The following PRKD1 variants were observed in gnomAD, a reference collection of about 807,000 sequenced individuals.
PRKD1 encodes the protein serine/threonine-protein kinase D1.
A neutral mutation model predicts 95.9 loss-of-function variants in PRKD1; 63 were observed. The ratio of observed to expected loss-of-function variants is 0.66; its 90% CI spans 0.54 to 0.81. The LOEUF is 0.81. Ranked by LOEUF, PRKD1 falls within the 30% of genes least tolerant of loss-of-function variation. PRKD1 has a pLI of 0.00. For synonymous variants in PRKD1, 425 were observed against 423.1 expected, an observed-to-expected ratio of 1.00 and a Z score of -0.05; for missense variants, 1,048 against 1,165.3, an observed-to-expected ratio of 0.90 and a Z score of 1.47.
At chr14:29,675,976 T>C (rs1465488366) in intron 2 of PRKD1, among the ~76,000 whole-genome samples, 1 of 97,538 alleles carries the variant, frequency 1.0e-5, no homozygotes, top group Non-Finnish European at 1.9e-5. Flanking sequence ...TCGGGGCCTG[T>C]CGTGGGGTGG....
chr14:29,735,535 G>A (rs140467588), intron 1 of PRKD1, among the ~76,000 whole-genome samples: 1 of 152,248 alleles, frequency 6.6e-6, no homozygotes, highest in African/African-American at 2.4e-5. Flanking sequence ...AGAGAAAGAT[G>A]AAACAGCAAA....
intron 1 of PRKD1, among the ~76,000 whole-genome samples, chr14:29,892,598 TA>T (rs1488110136): frequency 1.3e-5 from 2 of 152,196 alleles, no homozygotes; most frequent in African/African-American, 4.8e-5. Flanking sequence ...TCTCACATAC[TA>T]ACTTGTGGAG....
At chr14:29,615,739 G>C (rs1327148429) in intron 13 of PRKD1, among the ~76,000 whole-genome samples, 1 of 152,166 alleles carries the variant, frequency 6.6e-6, no homozygotes, top group Non-Finnish European at 1.5e-5. Flanking sequence ...CAAAGGCTCA[G>C]CAAATCACTT....
chr14:29,892,838 G>T (rs1893987233), intron 1 of PRKD1, among the ~76,000 whole-genome samples: 1 of 152,140 alleles, frequency 6.6e-6, no homozygotes, highest in Non-Finnish European at 1.5e-5. Flanking sequence ...TTCATGCACT[G>T]CTTACAAATA....
intron 1 of PRKD1, among the ~76,000 whole-genome samples, chr14:29,803,991 C>G (rs757532067): frequency 7.9e-5 from 12 of 152,096 alleles, no homozygotes; most frequent in Non-Finnish European, 1.8e-4. Context: ...CCTGTAATCC[C>G]AGCACTTTGG....
intron 1 of PRKD1, among the ~76,000 whole-genome samples, chr14:29,745,688 G>C (rs1887181901): frequency 6.6e-6 from 1 of 151,858 alleles, no homozygotes; most frequent in East Asian, 1.9e-4. Flanking sequence ...TGTTGCCCAG[G>C]CTGGTCTCAA....
At chr14:29,577,491 T>C in intron 17 of PRKD1, 35 bp from the exon 18 acceptor site, 1 of 1,564,456 alleles carries the variant, frequency 6.4e-7, no homozygotes, top group Non-Finnish European at 8.8e-7. Flanking sequence ...ACCATAGAGA[T>C]CATTACAACT....
intron 2 of PRKD1, among the ~76,000 whole-genome samples, chr14:29,705,015 C>G (rs761682304): frequency 6.6e-6 from 1 of 152,026 alleles, no homozygotes; most frequent in Non-Finnish European, 1.5e-5. Flanking sequence ...GATTGCTCTG[C>G]CCTGACAAGA....
At chr14:29,652,630 G>A (rs1052826208) in intron 4 of PRKD1, among the ~76,000 whole-genome samples, 1 of 152,146 alleles carries the variant, frequency 6.6e-6, no homozygotes, top group Non-Finnish European at 1.5e-5. Flanking sequence ...CACTGCCCAG[G>A]TTTGAATTTG....
In PRKD1 at chr14:29,676,354, AG is replaced by A. The variant is rs532070626; in HGVS notation, c.404-10147del. Among the ~76,000 whole-genome samples, 274 of 151,992 alleles carry A rather than the reference AG, an allele frequency of 1.8e-3. 1 individual carries two copies. Among genetic ancestry groups the A allele is most frequent in the African/African-American group, 6.4e-3 (265 of 41,454 alleles). Reference sequence around the variant, plus strand: ...AAGTGGAGATCAAGTCAAGAGTAGTAGGCTCCGAAGAGGTGGAGGTCAAAGG... The same window carrying A: ...AAGTGGAGATCAAGTCAAGAGTAGTAGCTCCGAAGAGGTGGAGGTCAAAGG... On this transcript the variant is annotated intron_variant, in intron 2 of 17. Transcript: ENST00000331968.
chr14:29,783,518 G>A (rs1889139634), intron 1 of PRKD1, among the ~76,000 whole-genome samples: 1 of 152,054 alleles, frequency 6.6e-6, no homozygotes, highest in Non-Finnish European at 1.5e-5. Context: ...CCCAGTAGTG[G>A]GATTGCTGGA....
chr14:29,726,421 A>C (rs958035578), intron 1 of PRKD1, among the ~76,000 whole-genome samples: 1 of 152,190 alleles, frequency 6.6e-6, no homozygotes, highest in African/African-American at 2.4e-5. Context: ...ATTATTAAAG[A>C]ATGCTATTTC....
intron 1 of PRKD1, among the ~76,000 whole-genome samples, chr14:29,912,672 A>G (rs1894758656): frequency 6.6e-6 from 1 of 152,238 alleles, no homozygotes; most frequent in African/African-American, 2.4e-5. Context: ...TATTTTTTAA[A>G]TAAAAAACAA....
chr14:29,831,449 G>GT lies in PRKD1; in HGVS notation c.264+95799dup, dbSNP rs71108500. Among the ~76,000 whole-genome samples the GT allele has an allele frequency of 5.2e-3, 666 of 128,512 alleles. 5 individuals are homozygous for GT. Among genetic ancestry groups the GT allele is most frequent in the East Asian group, 0.023 (101 of 4,402 alleles). The allele number at this position is 128,512 out of a possible 152,430, so 84.3% of individuals were successfully genotyped here. On this transcript the variant is annotated intron_variant, in intron 1 of 17. Transcript: ENST00000331968. ...AGTCCAGTAGTTATTAGAATGTTTG[G>GT]TTTTTTTTTTTTTTTTTTGGTTGGT...
intron 4 of PRKD1, among the ~76,000 whole-genome samples, chr14:29,658,357 G>A (rs939055775): frequency 1.3e-5 from 2 of 152,196 alleles, no homozygotes; most frequent in African/African-American, 4.8e-5. Flanking sequence ...CCATGTTAGA[G>A]TGGATTTAAG....
intron 1 of PRKD1, among the ~76,000 whole-genome samples, chr14:29,912,062 G>A (rs1056235642): frequency 6.6e-6 from 1 of 152,030 alleles, no homozygotes; most frequent in Non-Finnish European, 1.5e-5. Context: ...TCTTTGAATC[G>A]CTCCTGCTCT....
At chr14:29,812,970 C>G (rs1166503847) in intron 1 of PRKD1, among the ~76,000 whole-genome samples, 2 of 152,080 alleles carry the variant, frequency 1.3e-5, no homozygotes, top group Non-Finnish European at 2.9e-5. Flanking sequence ...ATTAGCCAGG[C>G]ATGGTGTCAC....
rs765346110 is a variant in PRKD1 at position 29,725,594 on chromosome 14, C to G, written c.345G>C (p.Gln115His). 1 of 1,613,822 alleles carries G rather than the reference C, an allele frequency of 6.2e-7. No homozygotes were observed. Residue 115 changes from glutamine (Q) to histidine (H), a missense_variant, in exon 2 of 18, where the codon CAG (glutamine) becomes CAC (histidine). By Grantham distance (24) the Gln-to-His change is conservative (BLOSUM62 0). Coordinates refer to ENST00000331968, the MANE Select transcript of PRKD1 (RefSeq NM_002742.3). ...RHDPTSENIL[Q>H]LVKAASDIQE... ...GGATATCACTGGCCGCTTTCACCAG[C>G]TGAAGGATGTTTTCAGAGGTAGGGT...
In PRKD1 at chr14:29,725,532, C is replaced by T. The variant is rs1345288103; in HGVS notation, c.403+4G>A. ...GATAAAGAAAAGGTATAAAAGTATA[C>T]TACCTGACAAGACCACTTCAATAAG... On this transcript the variant is annotated splice_donor_region_variant and intron_variant, in intron 2 of 17. Coordinates refer to ENST00000331968, the MANE Select transcript of PRKD1 (RefSeq NM_002742.3). 1 of 1,612,726 alleles carries T rather than the reference C, an allele frequency of 6.2e-7. No homozygotes were observed. Among genetic ancestry groups the T allele is most frequent in the South Asian group, 1.1e-5 (1 of 90,944 alleles).
Sources: gnomAD v4.1 joint callset for allele counts (sites outside exome capture counted in the v4.1 genomes callset) on GRCh38, gnomAD v4.1.1 for gene constraint, MANE v1.5 for transcripts, NCBI Gene and HGNC (gene_info 2026-07-23, HGNC 2026-07-21) for gene names.